The following UBR1 variants were observed in gnomAD, a reference collection of about 807,000 sequenced individuals.
UBR1 encodes E3 ubiquitin-protein ligase UBR1.
In UBR1, 102 loss-of-function variants were observed where a neutral mutation model predicts 242.1. That is an observed-to-expected ratio of 0.42 (90% CI 0.36 to 0.50). The LOEUF is 0.50. UBR1 is among the 20% of genes least tolerant of loss of function. The probability of loss-of-function intolerance (pLI) is 0.01; values close to 1 mark genes in which losing one functional copy is unlikely to be tolerated. For synonymous variants in UBR1, 675 were observed against 684.8 expected (o/e 0.99, Z 0.22); for missense variants, 1,772 against 2,101.8 (o/e 0.84, Z 3.07).
chr15:42,971,395 C>T (rs2032205686), intron 39 of UBR1, among the ~76,000 whole-genome samples: 1 of 152,208 alleles, frequency 6.6e-6, no homozygotes, highest in South Asian at 2.1e-4. Context: ...CTCTCACTTA[C>T]ATTAAGGCTC....
intron 15 of UBR1, among the ~76,000 whole-genome samples, chr15:43,042,489 C>G (rs1387162807): frequency 6.6e-6 from 1 of 152,086 alleles, no homozygotes. Flanking sequence ...AATTCATAGA[C>G]ACAGAGTGGT....
chr15:42,974,216 T>G (rs1489662659), intron 39 of UBR1, among the ~76,000 whole-genome samples: 1 of 152,120 alleles, frequency 6.6e-6, no homozygotes, highest in Non-Finnish European at 1.5e-5. Context: ...AGTTTTGCAT[T>G]TTACATTTAG....
At chr15:42,959,846 G>T (rs186762363) in intron 43 of UBR1, among the ~76,000 whole-genome samples, 1 of 152,228 alleles carries the variant, frequency 6.6e-6, no homozygotes, top group Non-Finnish European at 1.5e-5. Flanking sequence ...GAGTTCCAGG[G>T]TGAGAGAAGA....
chr15:43,096,441 C>T lies in UBR1; in HGVS notation c.81+9501G>A, dbSNP rs573498667. On this transcript the variant is annotated intron_variant, in intron 1 of 46. Transcript: ENST00000290650. ...CCTCCCAAAGTGCTGGGATTACAGC[C>T]GTGAGCCAACGCGCCCGGCCAGGCA... is the stretch of plus-strand genomic sequence containing the variant. Among the ~76,000 whole-genome samples the T allele has an allele frequency of 1.7e-4, 26 of 152,062 alleles. No homozygotes were observed. In the South Asian group the frequency reaches 2.9e-3, roughly 17 times the overall value.
chr15:43,026,726 TA>T (rs958299035), intron 22 of UBR1, 63 bp from the exon 23 acceptor site: 18 of 1,389,276 alleles, frequency 1.3e-5, no homozygotes, highest in Non-Finnish European at 1.7e-5. Flanking sequence ...ATAGACAAAA[TA>T]AAAACCTAAA....
intron 1 of UBR1, among the ~76,000 whole-genome samples, chr15:43,090,904 A>C (rs1420343630): frequency 6.6e-6 from 1 of 152,184 alleles, no homozygotes; most frequent in Non-Finnish European, 1.5e-5. Context: ...CTACTAAACC[A>C]AACATAAATA....
intron 3 of UBR1, among the ~76,000 whole-genome samples, chr15:43,079,891 CAT>C (rs1272610233): frequency 1.3e-5 from 2 of 152,172 alleles, no homozygotes; most frequent in African/African-American, 4.8e-5. Context: ...TCAGTAACAA[CAT>C]ATGAAACAAT....
intron 39 of UBR1, among the ~76,000 whole-genome samples, chr15:42,974,348 C>T (rs1177816159): frequency 1.3e-5 from 2 of 152,182 alleles, no homozygotes; most frequent in Non-Finnish European, 2.9e-5. Flanking sequence ...ACCTTTGATC[C>T]TTTGCTCAAA....
chr15:43,017,124 A>G lies in UBR1; in HGVS notation c.2998T>C (p.Ser1000Pro). ...EKSCLIVATT[S>P]GSESIKNDEI... is the part of the protein sequence containing the mutation. ...TCATTCTTAATAGATTCCGATCCTGATGTGGTTGCTACAATTAAACAAGAT... is the reference window on the plus strand; with the variant it reads ...TCATTCTTAATAGATTCCGATCCTGGTGTGGTTGCTACAATTAAACAAGAT... Residue 1000 changes from serine to proline, a missense_variant, in exon 28 of 47, where the codon TCA becomes CCA. Ser to Pro is a moderately conservative substitution (Grantham distance 74, BLOSUM62 -1). Around this residue, in one of 3 missense-constraint regions of UBR1, gnomAD observed 965 missense variants for 1,079.7 expected, o/e 0.89. Transcript: ENST00000290650. 1 of 1,613,798 alleles carries G rather than the reference A, an allele frequency of 6.2e-7. No individual in the cohort carries two copies. Among genetic ancestry groups the G allele is most frequent in the South Asian group, 1.1e-5 (1 of 91,076 alleles).
At chr15:43,036,047 T>C (rs991046254) in intron 19 of UBR1, 131 bp downstream of exon 19, 8 of 715,682 alleles carry the variant, frequency 1.1e-5, no homozygotes, top group Non-Finnish European at 1.9e-5. Flanking sequence ...ACCTGCACAA[T>C]GTGCACATGT....
At chr15:43,086,973 C>T (rs1274896015) in intron 1 of UBR1, among the ~76,000 whole-genome samples, 1 of 152,226 alleles carries the variant, frequency 6.6e-6, no homozygotes, top group East Asian at 1.9e-4. Context: ...ATAGGCACCG[C>T]ACTTCAGCCT....
intron 30 of UBR1, among the ~76,000 whole-genome samples, chr15:43,005,501 G>T (rs556817051): frequency 6.6e-6 from 1 of 151,728 alleles, no homozygotes; most frequent in South Asian, 2.1e-4. Context: ...CAGCCGCTCC[G>T]TCTGGGAGGT....
At position 43,036,538 on chromosome 15, in the gene UBR1, A is replaced by T; in HGVS notation, c.2078T>A (p.Ile693Asn). 6.3e-7 allele frequency: 1 copy of T among 1,596,730 alleles called. No individual in the cohort carries two copies. Residue 693 changes from isoleucine (I) to asparagine (N), a missense_variant, in exon 18 of 47, where the codon ATC (isoleucine) becomes AAC (asparagine). Physicochemically the swap from Ile to Asn is moderately radical, Grantham distance 149. This residue lies in a region of UBR1 where 734 missense variants were observed against 893.3 expected (regional missense o/e 0.82). Transcript: ENST00000290650. ...CREEMYDKDI[I>N]MLQIGASLMD... ...AATTTAAATAGGTACCTGAAGCATG[A>T]TGATATCTTTATCATACATTTCTTC...
intron 2 of UBR1, among the ~76,000 whole-genome samples, chr15:43,085,472 A>C (rs1469810408): frequency 6.6e-6 from 1 of 152,266 alleles, no homozygotes; most frequent in African/African-American, 2.4e-5. Flanking sequence ...GAAACAAGCT[A>C]TACTAGCAAA....
chr15:42,959,598 T>G (rs1019476509), intron 43 of UBR1, among the ~76,000 whole-genome samples: 1 of 152,196 alleles, frequency 6.6e-6, no homozygotes, highest in Non-Finnish European at 1.5e-5. Flanking sequence ...GCTGGGTAAA[T>G]AGCAGATGTA....
At chr15:43,068,118 A>C in intron 5 of UBR1, 82 bp from the exon 6 acceptor site, 3 of 954,464 alleles carry the variant, frequency 3.1e-6, no homozygotes, top group Non-Finnish European at 4.5e-6. Flanking sequence ...GACAAAATTA[A>C]TACATAACAT....
intron 29 of UBR1, among the ~76,000 whole-genome samples, chr15:43,011,486 C>T (rs2032922936): frequency 6.6e-6 from 1 of 152,110 alleles, no homozygotes; most frequent in Admixed American, 6.5e-5. Context: ...ATAGGCAATT[C>T]CCAGAGGATA....
chr15:43,027,971 G>T, intron 21 of UBR1, 143 bp from the exon 22 acceptor site: 1 of 754,532 alleles, frequency 1.3e-6, no homozygotes, highest in Non-Finnish European at 2.2e-6. Flanking sequence ...AAAAAATTAG[G>T]TCTAAAACCA....
intron 23 of UBR1, 157 bp from the exon 24 acceptor site, chr15:43,025,586 T>A (rs1327830332): frequency 3.2e-6 from 2 of 628,256 alleles, no homozygotes; most frequent in Non-Finnish European, 5.6e-6. Flanking sequence ...AAAATTGTGT[T>A]CTAGAGAAAC....
Sources: gnomAD v4.1 joint callset for allele counts (sites outside exome capture counted in the v4.1 genomes callset) on GRCh38, gnomAD v4.1.1 for gene constraint, gnomAD v4.1.1 regional missense constraint, MANE v1.5 for transcripts, NCBI Gene and HGNC (gene_info 2026-07-23, HGNC 2026-07-21) for gene names.